MYO16: variants seen among roughly 807,000 people sequenced by gnomAD.
MYO16 encodes the protein unconventional myosin-XVI.
MYO16 carries 94 observed loss-of-function variants against 205.3 expected under a neutral mutation model. The ratio of observed to expected loss-of-function variants is 0.46; its 90% CI spans 0.39 to 0.54. The LOEUF is 0.54. Among genes scored for constraint, MYO16 ranks in the 20% least tolerant of loss-of-function variants. MYO16 has a pLI of 0.00. For missense variants in MYO16, 2,315 were observed against 2,387.5 expected (o/e 0.97, Z 0.63); for synonymous variants, 988 against 954.0 (o/e 1.04, Z -0.66).
intron 4 of MYO16, among the ~76,000 whole-genome samples, chr13:108,760,191 T>A (rs910942533): frequency 6.6e-6 from 1 of 152,218 alleles, no homozygotes; most frequent in Non-Finnish European, 1.5e-5. Flanking sequence ...TGTACCCAAA[T>A]CTGTTGGTTC....
chr13:109,008,980 A>G lies in MYO16; in HGVS notation c.2526A>G (p.Gln842=), dbSNP rs748708803. 1.2e-6 allele frequency: 2 copies of G among 1,611,958 alleles called. No individual in the cohort carries two copies. Among genetic ancestry groups the G allele is most frequent in the Non-Finnish European group, 1.7e-6 (2 of 1,179,250 alleles). The stretch of plus-strand genomic sequence containing the variant: ...TCCACGAGCAAGTGGAATGTGTACA[A>G]GAGGGAGTTACCATGGAAACAGCAT... ...LFLHEQVECV[Q]EGVTMETAYS... The change falls in exon 22 of 35, where the codon CAA becomes CAG. Residue 842 remains glutamine, a synonymous_variant. Transcript: ENST00000457511.
chr13:108,571,796 T>C, the MYO16 span, among the ~76,000 whole-genome samples: 1 of 149,946 alleles, frequency 6.7e-6, no homozygotes, highest in Admixed American at 6.7e-5. Context: ...AAAAGTTGGC[T>C]GACTGTGAGT....
intron 16 of MYO16, among the ~76,000 whole-genome samples, chr13:108,939,866 G>A (rs972926545): frequency 3.3e-5 from 5 of 152,052 alleles, no homozygotes; most frequent in African/African-American, 1.2e-4. Flanking sequence ...ATATGTATAT[G>A]TATATATACA....
At chr13:109,184,194 A>G (rs1300923365) in intron 34 of MYO16, among the ~76,000 whole-genome samples, 1 of 152,156 alleles carries the variant, frequency 6.6e-6, no homozygotes, top group Non-Finnish European at 1.5e-5. Flanking sequence ...ATATAAATAT[A>G]TATTTTATAT....
Position 108,835,293 on chromosome 13 carries a change from C to T in MYO16, c.1098-9050C>T, listed in dbSNP as rs146850780. On this transcript the variant is annotated intron_variant, in intron 9 of 34. Transcript: ENST00000457511. ...CAAGATCTGATGGTTTTATAAGCAT[C>T]TGGCATTTCCCCCTGCTGGCACTCA... Among the ~76,000 whole-genome samples the T allele has an allele frequency of 1.3e-3, 200 of 152,290 alleles. 2 individuals are homozygous for T. The South Asian group carries it at 0.023, about 18-fold the overall frequency.
At chr13:109,061,137 G>A (rs1334618884) in intron 27 of MYO16, among the ~76,000 whole-genome samples, 2 of 152,080 alleles carry the variant, frequency 1.3e-5, no homozygotes, top group Admixed American at 6.5e-5. Context: ...TAAAATTGAA[G>A]AGTTAGGGCC....
intron 4 of MYO16, among the ~76,000 whole-genome samples, chr13:108,758,142 T>A (rs1004338447): frequency 6.6e-6 from 1 of 152,138 alleles, no homozygotes; most frequent in Non-Finnish European, 1.5e-5. Flanking sequence ...AGACACCAAA[T>A]CTTCAGGCGA....
the MYO16 span, among the ~76,000 whole-genome samples, chr13:108,505,101 A>G: frequency 4.6e-5 from 7 of 152,150 alleles, no homozygotes; most frequent in African/African-American, 1.7e-4. Context: ...TTTGTGAATA[A>G]TCCTGTGATG....
chr13:108,647,359 T>G lies in MYO16; in HGVS notation c.28+17487T>G, dbSNP rs74117299. ...GCTGCTCTAGAAGCCTCCAGATTTT[T>G]GATGGACTCCACTATTTTTTTGTAA... is the stretch of plus-strand genomic sequence containing the variant. On this transcript the variant is annotated intron_variant, in intron 1 of 34. Transcript: ENST00000457511. Among the ~76,000 whole-genome samples the G allele has an allele frequency of 2.2e-3, 328 of 152,318 alleles. 1 individual carries two copies. The highest frequency in any genetic ancestry group is 7.6e-3 in the African/African-American group (316 of 41,578).
intron 4 of MYO16, among the ~76,000 whole-genome samples, chr13:108,735,666 T>A (rs9520995): frequency 6.7e-6 from 1 of 149,586 alleles, no homozygotes; most frequent in Non-Finnish European, 1.5e-5. Flanking sequence ...CCAGTAATGG[T>A]ATGGCTGGGT....
chr13:108,555,025 A>G, the MYO16 span, among the ~76,000 whole-genome samples: 1 of 152,132 alleles, frequency 6.6e-6, no homozygotes, highest in Non-Finnish European at 1.5e-5. Context: ...AACATTGGAA[A>G]TCTAGCAGGT....
At chr13:109,180,162 G>A (rs1879397322) in intron 34 of MYO16, among the ~76,000 whole-genome samples, 1 of 152,110 alleles carries the variant, frequency 6.6e-6, no homozygotes, top group African/African-American at 2.4e-5. Flanking sequence ...AAAACTGTTT[G>A]GAGGTGCATT....
intron 24 of MYO16, among the ~76,000 whole-genome samples, chr13:109,051,614 A>T (rs907971536): frequency 7.9e-5 from 12 of 152,252 alleles, no homozygotes; most frequent in Admixed American, 2.0e-4. Context: ...GTAATCCAAA[A>T]TCCACTCAAC....
chr13:108,816,664 C>T lies in MYO16; in HGVS notation c.868-3673C>T, dbSNP rs189482733. On this transcript the variant is annotated intron_variant, in intron 7 of 34. Transcript: ENST00000457511. ...GTTCTCGCTTTTGTAAGCCAGCTTC[C>T]TGCATCATGTAATTCCCGCCTCAAG... Among the ~76,000 whole-genome samples the T allele has an allele frequency of 4.2e-3, 642 of 152,256 alleles. 3 individuals carry two copies. Among genetic ancestry groups the T allele is most frequent in the Middle Eastern group, 0.014 (4 of 294 alleles).
intron 28 of MYO16, among the ~76,000 whole-genome samples, chr13:109,112,079 A>G (rs1306173788): frequency 2.6e-5 from 4 of 152,096 alleles, no homozygotes; most frequent in East Asian, 3.9e-4. Context: ...TAAGAATGCT[A>G]TGGGCCCTGT....
At chr13:109,083,209 C>T (rs1888333369) in intron 27 of MYO16, among the ~76,000 whole-genome samples, 1 of 151,778 alleles carries the variant, frequency 6.6e-6, no homozygotes, top group African/African-American at 2.4e-5. Context: ...ATGGCGAAAC[C>T]CTGTCTCTAC....
chr13:108,759,449 C>T (rs1222142775), intron 4 of MYO16, among the ~76,000 whole-genome samples: 1 of 152,092 alleles, frequency 6.6e-6, no homozygotes, highest in African/African-American at 2.4e-5. Flanking sequence ...TCAGGAGAAA[C>T]GTAGCAATTC....
intron 4 of MYO16, among the ~76,000 whole-genome samples, chr13:108,781,035 A>C (rs140439932): frequency 6.6e-6 from 1 of 152,226 alleles, no homozygotes; most frequent in Non-Finnish European, 1.5e-5. Context: ...CTAAGTGTAC[A>C]TCTCTTTCAA....
At chr13:108,902,645 C>A (rs891705029) in intron 15 of MYO16, among the ~76,000 whole-genome samples, 1 of 152,194 alleles carries the variant, frequency 6.6e-6, no homozygotes, top group Non-Finnish European at 1.5e-5. Context: ...ATGGTTGCTG[C>A]TGATCTTTAG....
Sources: gnomAD v4.1 joint callset for allele counts (sites outside exome capture counted in the v4.1 genomes callset) on GRCh38, gnomAD v4.1.1 for gene constraint, MANE v1.5 for transcripts, NCBI Gene and HGNC (gene_info 2026-07-23, HGNC 2026-07-21) for gene names.